RBFOX1: variants seen among roughly 807,000 people sequenced by gnomAD.
RBFOX1 encodes the protein RNA binding fox-1 homolog 1.
In RBFOX1, 8 loss-of-function variants were observed where a neutral mutation model predicts 57.7. The observed-to-expected ratio is 0.14, with a 90% CI of 0.08 to 0.25. RBFOX1 has a LOEUF of 0.25. Among genes scored for constraint, RBFOX1 ranks in the 10% least tolerant of loss-of-function variants. The pLI is 1.00. For missense variants in RBFOX1, 611 were observed against 548.5 expected (o/e 1.11, Z -1.14); for synonymous variants, 326 against 222.4 (o/e 1.47, Z -4.15).
At chr16:5,294,686 A>T (rs1384499021) in intron 1 of RBFOX1, among the ~76,000 whole-genome samples, 4 of 151,918 alleles carry the variant, frequency 2.6e-5, no homozygotes, top group Non-Finnish European at 1.5e-5. Context: ...TTCCTTTCAC[A>T]TTTGGACCCC....
chr16:5,375,166 TC>T, intron 1 of RBFOX1, among the ~76,000 whole-genome samples: 1 of 151,812 alleles, frequency 6.6e-6, no homozygotes, highest in African/African-American at 2.4e-5. Context: ...ACCGATCTCT[TC>T]GAGGGACTTC....
intron 3 of RBFOX1, among the ~76,000 whole-genome samples, chr16:7,046,425 A>C (rs936977686): frequency 3.3e-5 from 5 of 152,138 alleles, no homozygotes; most frequent in Non-Finnish European, 5.9e-5. Context: ...CTTATCACCC[A>C]TGTTAATTAG....
At chr16:7,396,098 G>A (rs915554562) in intron 4 of RBFOX1, among the ~76,000 whole-genome samples, 4 of 152,116 alleles carry the variant, frequency 2.6e-5, no homozygotes, top group Non-Finnish European at 5.9e-5. Context: ...GCTTGTAAGT[G>A]TCAGGGGAGG....
chr16:6,871,678 C>T (rs559747550), intron 3 of RBFOX1, among the ~76,000 whole-genome samples: 1 of 152,252 alleles, frequency 6.6e-6, no homozygotes, highest in East Asian at 1.9e-4. Flanking sequence ...TTTCTTCCTC[C>T]ACTCTTGTCC....
intron 3 of RBFOX1, among the ~76,000 whole-genome samples, chr16:6,657,952 T>G (rs1161420897): frequency 1.3e-5 from 2 of 152,228 alleles, no homozygotes; most frequent in African/African-American, 4.8e-5. Context: ...CTCCCCTGGC[T>G]TTCTGTCTAC....
At chr16:7,019,563 T>C (rs535277473) in intron 3 of RBFOX1, among the ~76,000 whole-genome samples, 42 of 152,324 alleles carry the variant, frequency 2.8e-4, no homozygotes, top group African/African-American at 1.0e-3. Flanking sequence ...GCAGTTACTT[T>C]ACAGTTCGAA....
At chr16:7,189,004 G>A (rs1009730559) in intron 4 of RBFOX1, among the ~76,000 whole-genome samples, 1 of 152,178 alleles carries the variant, frequency 6.6e-6, no homozygotes, top group African/African-American at 2.4e-5. Context: ...CATCAGGCTA[G>A]AGGCAAGTCA....
chr16:7,260,698 A>G (rs571323573), intron 4 of RBFOX1, among the ~76,000 whole-genome samples: 2 of 145,128 alleles, frequency 1.4e-5, no homozygotes, highest in South Asian at 5.0e-4. Context: ...TCTAATGAGA[A>G]TATTTTCCAC....
chr16:5,563,611 T>C (rs530302065), intron 2 of RBFOX1, among the ~76,000 whole-genome samples: 1 of 152,306 alleles, frequency 6.6e-6, no homozygotes, highest in Non-Finnish European at 1.5e-5. Flanking sequence ...TTTCAATAAG[T>C]AGTTGACCAG....
At chr16:6,752,183 T>G (rs2075055911) in intron 3 of RBFOX1, among the ~76,000 whole-genome samples, 2 of 152,196 alleles carry the variant, frequency 1.3e-5, no homozygotes, top group Admixed American at 1.3e-4. Context: ...GCATATTTCT[T>G]GTAGCATGTG....
chr16:5,829,258 C>A (rs1243445769), intron 3 of RBFOX1, among the ~76,000 whole-genome samples: 1 of 152,186 alleles, frequency 6.6e-6, no homozygotes, highest in Non-Finnish European at 1.5e-5. Flanking sequence ...CGCAGCCAGT[C>A]ACTCAGAGGT....
intron 2 of RBFOX1, among the ~76,000 whole-genome samples, chr16:6,493,026 T>A (rs963704220): frequency 2.6e-5 from 4 of 152,302 alleles, no homozygotes; most frequent in Admixed American, 6.5e-5. Context: ...CTTTATTCTT[T>A]GTGATTTTCA....
chr16:6,882,171 A>G (rs944723659), intron 3 of RBFOX1, among the ~76,000 whole-genome samples: 1 of 152,066 alleles, frequency 6.6e-6, no homozygotes, highest in Admixed American at 6.6e-5. Context: ...TTCTGTCTCT[A>G]GCTTCTCTCT....
chr16:6,670,618 T>C (rs945725145), intron 3 of RBFOX1, among the ~76,000 whole-genome samples: 1 of 152,196 alleles, frequency 6.6e-6, no homozygotes, highest in Non-Finnish European at 1.5e-5. Flanking sequence ...CCATATAATA[T>C]ACCAATCTCT....
chr16:7,579,631 T>C (rs1567932001), intron 5 of RBFOX1, 146 bp from the exon 6 acceptor site: 1 of 866,638 alleles, frequency 1.2e-6, no homozygotes, highest in Non-Finnish European at 1.8e-6. Context: ...GCTGAATGAA[T>C]GCATGCATGC....
chr16:5,556,536 A>G (rs1293697883), intron 2 of RBFOX1, among the ~76,000 whole-genome samples: 2 of 152,200 alleles, frequency 1.3e-5, no homozygotes, highest in African/African-American at 2.4e-5. Flanking sequence ...GTAAGTAGGA[A>G]GTGACAGCTC....
chr16:6,442,916 G>A (rs1325038679), intron 2 of RBFOX1, among the ~76,000 whole-genome samples: 5 of 152,074 alleles, frequency 3.3e-5, no homozygotes, highest in Non-Finnish European at 5.9e-5. Flanking sequence ...GAAAGTAACC[G>A]CAATTACTTT....
At chr16:5,469,497 A>C (rs1384853444) in intron 2 of RBFOX1, among the ~76,000 whole-genome samples, 3 of 152,100 alleles carry the variant, frequency 2.0e-5, no homozygotes, top group Non-Finnish European at 2.9e-5. Flanking sequence ...CCTCTTTATT[A>C]ATCAGTTTAT....
chr16:5,925,015 C>T (rs551362069), intron 4 of RBFOX1, among the ~76,000 whole-genome samples: 23 of 152,278 alleles, frequency 1.5e-4, no homozygotes, highest in African/African-American at 5.3e-4. Context: ...TGAGGGTCAT[C>T]CTGTTATCTG....
Sources: allele counts gnomAD v4.1 joint callset (sites outside exome capture counted in the v4.1 genomes callset), GRCh38; gene constraint gnomAD v4.1.1; transcripts MANE v1.5; gene names NCBI Gene and HGNC (gene_info 2026-07-23, HGNC 2026-07-21).